The following EPHX1 variants were observed in gnomAD, a reference collection of about 807,000 sequenced individuals.
The protein encoded by EPHX1 is epoxide hydrolase 1.
EPHX1 carries 40 observed loss-of-function variants against 43.2 expected under a neutral mutation model. The observed-to-expected ratio is 0.93, with a 90% CI of 0.72 to 1.21. EPHX1 has a LOEUF of 1.21. Ranked by LOEUF, EPHX1 falls within the 50% of genes most tolerant of loss-of-function variation. EPHX1 has a pLI of 0.00. For synonymous variants in EPHX1, 221 were observed against 226.7 expected (o/e 0.98, Z 0.22); for missense variants, 550 against 570.4 (o/e 0.96, Z 0.36).
At chr1:225,824,733 C>CCTTGGG (rs1667147803) in intron 1 of EPHX1, among the ~76,000 whole-genome samples, 1 of 152,194 alleles carries the variant, frequency 6.6e-6, no homozygotes, top group Non-Finnish European at 1.5e-5. Context: ...AGGGTGGGCT[C>CCTTGGG]CTTGGGCTTG....
chr1:225,826,447 C>CAAAAA lies in EPHX1; in HGVS notation c.-5-2260_-5-2256dup, dbSNP rs374232833. The stretch of plus-strand genomic sequence containing the variant: ...CACTGCACTCTTTGAGACTCTGTCT[C>CAAAAA]AAAAAAAAAAAAAAAAAAAAAAGGG... On this transcript the variant is annotated intron_variant, in intron 1 of 8. Transcript: ENST00000272167. Among the ~76,000 whole-genome samples, 280 of 84,166 alleles carry CAAAAA rather than the reference C, an allele frequency of 3.3e-3. 16 individuals carry two copies. The highest frequency in any genetic ancestry group is 4.6e-3 in the Non-Finnish European group (212 of 46,278). 55.2% of individuals were successfully genotyped at this position (84,166 alleles called of 152,430 possible). A position where few individuals can be genotyped will look rare whatever the true frequency, so the allele number is the denominator to read the frequency against.
intron 6 of EPHX1, among the ~76,000 whole-genome samples, 167 bp downstream of exon 6, chr1:225,840,204 A>G (rs1668288928): frequency 6.6e-6 from 1 of 152,232 alleles, no homozygotes; most frequent in African/African-American, 2.4e-5. Flanking sequence ...TAGAATCAAG[A>G]GGATGGACCC....
At chr1:225,840,301 G>A (rs1049943133) in intron 6 of EPHX1, among the ~76,000 whole-genome samples, 15 of 152,188 alleles carry the variant, frequency 9.9e-5, no homozygotes, top group Non-Finnish European at 1.8e-4. Context: ...CCACCCCTGA[G>A]TCTATATCCT....
At chr1:225,841,689 C>T (rs1668441018) in intron 6 of EPHX1, among the ~76,000 whole-genome samples, 1 of 150,254 alleles carries the variant, frequency 6.7e-6, no homozygotes, top group African/African-American at 2.5e-5. Flanking sequence ...GCAACCTCCA[C>T]CTCCCGGGTT....
chr1:225,827,763 G>T (rs962950499), intron 1 of EPHX1, among the ~76,000 whole-genome samples: 72 of 152,350 alleles, frequency 4.7e-4, no homozygotes, highest in Non-Finnish European at 2.1e-4. Flanking sequence ...CCACTGGAGG[G>T]TTCACTTTAA....
At chr1:225,842,273 G>C in intron 6 of EPHX1, 93 bp from the exon 7 acceptor site, 2 of 960,220 alleles carry the variant, frequency 2.1e-6, no homozygotes, top group Non-Finnish European at 1.7e-6. Flanking sequence ...ACACAGCCCC[G>C]CCCTCTGCGG....
intron 1 of EPHX1, among the ~76,000 whole-genome samples, chr1:225,813,586 A>G (rs888115179): frequency 6.6e-6 from 1 of 152,232 alleles, no homozygotes; most frequent in Admixed American, 6.5e-5. Context: ...GTGCAAACCA[A>G]GCTCACACTG....
rs926924689 is a variant in EPHX1, at chr1:225,845,183, C to G, written c.1204C>G (p.Pro402Ala). ...VYVPTGFSAFPFELLHTPEKW... is the reference protein window; with the variant it reads ...VYVPTGFSAFAFELLHTPEKW... Reference sequence around the variant, plus strand: ...TGTGCCCACTGGCTTCTCTGCCTTCCCTTTTGAGCTATTGCACACGCCTGA... The same window carrying G: ...TGTGCCCACTGGCTTCTCTGCCTTCGCTTTTGAGCTATTGCACACGCCTGA... Residue 402 changes from proline to alanine, a missense_variant, in exon 9 of 9, where the codon CCT becomes GCT. Coordinates refer to ENST00000272167, the MANE Select transcript of EPHX1 (RefSeq NM_001136018.4). The G allele has an allele frequency of 1.9e-6, 3 of 1,614,050 alleles. No homozygotes were observed. In the African/African-American group the frequency reaches 4.0e-5, roughly 22 times the overall value.
intron 2 of EPHX1, among the ~76,000 whole-genome samples, chr1:225,831,254 A>G (rs1260650939): frequency 6.6e-6 from 1 of 152,246 alleles, no homozygotes; most frequent in Non-Finnish European, 1.5e-5. Context: ...ATACACTTAA[A>G]GAGTAAAAGA....
At chr1:225,821,755 G>T (rs1394266290) in intron 1 of EPHX1, among the ~76,000 whole-genome samples, 1 of 150,366 alleles carries the variant, frequency 6.7e-6, no homozygotes, top group South Asian at 2.1e-4. Context: ...TGGAGATGGG[G>T]TTTTGCCATG....
chr1:225,832,491 C>T (rs532395576), intron 3 of EPHX1, among the ~76,000 whole-genome samples: 23 of 152,330 alleles, frequency 1.5e-4, no homozygotes, highest in Non-Finnish European at 2.9e-4. Flanking sequence ...GCCAAGATCG[C>T]GCCACTGCAC....
rs1476366157 is a variant in EPHX1 at position 225,839,214 on chromosome 1, C to G, written c.593-3C>G. ...ACTCCATGCCTTTCCCCATCACTGC[C>G]AGGGTTCAACTCGGTGGCCACCGCC... On this transcript the variant is annotated splice_polypyrimidine_tract_variant and splice_region_variant and intron_variant, in intron 4 of 8. Transcript: ENST00000272167. The G allele has an allele frequency of 3.1e-6, 5 of 1,613,952 alleles. No homozygotes were observed. The Admixed American group carries it at 8.3e-5, about 27-fold the overall frequency.
At chr1:225,831,708 G>A in intron 2 of EPHX1, 71 bp from the exon 3 acceptor site, 1 of 1,529,186 alleles carries the variant, frequency 6.5e-7, no homozygotes, top group African/African-American at 1.4e-5. Context: ...TGTGTTTTCT[G>A]GAAACAGACT....
chr1:225,820,366 G>A (rs1666928758), intron 1 of EPHX1, among the ~76,000 whole-genome samples: 1 of 152,172 alleles, frequency 6.6e-6, no homozygotes, highest in South Asian at 2.1e-4. Flanking sequence ...GGGATTACAA[G>A]CATGAGCCAC....
chr1:225,839,930 C>A lies in EPHX1; in HGVS notation c.824C>A (p.Thr275Asn), dbSNP rs544656267. The A allele has an allele frequency of 1.2e-6, 2 of 1,614,244 alleles. No individual in the cohort carries two copies. The highest frequency in any genetic ancestry group is 1.1e-5 in the South Asian group (1 of 91,090). ...CGTTTCGGGAGGTTTCTTGGCCTCA[C>A]TGAGAGGGATGTGGAGCTGCTGTAC... is the stretch of plus-strand genomic sequence containing the variant. ...GQRFGRFLGL[T>N]ERDVELLYPV... Residue 275 changes from threonine to asparagine, a missense_variant, in exon 6 of 9, where the codon ACT becomes AAT. Coordinates refer to ENST00000272167, the MANE Select transcript of EPHX1 (RefSeq NM_001136018.4).
chr1:225,842,270 C>A, intron 6 of EPHX1, 96 bp from the exon 7 acceptor site: 1 of 942,906 alleles, frequency 1.1e-6, no homozygotes, highest in Non-Finnish European at 1.7e-6. Context: ...TGCACACAGC[C>A]CCGCCCTCTG....
intron 3 of EPHX1, among the ~76,000 whole-genome samples, chr1:225,833,965 G>A (rs1444560064): frequency 4.0e-5 from 6 of 151,068 alleles, no homozygotes. Flanking sequence ...GGGCGTGGTG[G>A]CAGGCGCCTG....
At chr1:225,815,670 AAACT>A (rs1401606931) in intron 1 of EPHX1, among the ~76,000 whole-genome samples, 10 of 152,152 alleles carry the variant, frequency 6.6e-5, no homozygotes, top group Non-Finnish European at 1.5e-4. Context: ...TGCCACAAAC[AAACT>A]AACCTTCACC....
rs368539734 is a variant in EPHX1, at chr1:225,839,286, A to G, written c.662A>G (p.Tyr221Cys). Residue 221 changes from tyrosine to cysteine, a missense_variant, in exon 5 of 9, where the codon TAC becomes TGC. Physicochemically the swap from Tyr to Cys is radical, Grantham distance 194. Transcript: ENST00000272167. ...CTGCGGCTGGGCTTCCAGGAATTCT[A>G]CATTCAAGGAGGGGACTGGGGGTCC... ...LMLRLGFQEF[Y>C]IQGGDWGSLI... 39 of 1,613,900 alleles carry G rather than the reference A, an allele frequency of 2.4e-5. No individual in the cohort carries two copies. In the African/African-American group the frequency reaches 4.4e-4, roughly 18 times the overall value.
Sources: allele counts gnomAD v4.1 joint callset (sites outside exome capture counted in the v4.1 genomes callset), GRCh38; gene constraint gnomAD v4.1.1; transcripts MANE v1.5; gene names NCBI Gene and HGNC (gene_info 2026-07-23, HGNC 2026-07-21).